Variants in OSBP observed in about 807,000 individuals in gnomAD.
OSBP encodes oxysterol binding protein.
OSBP carries 32 observed loss-of-function variants against 96.6 expected under a neutral mutation model. The ratio of observed to expected loss-of-function variants is 0.33; its 90% confidence interval spans 0.25 to 0.45. OSBP has a LOEUF of 0.45. Among genes scored for constraint, OSBP ranks in the 20% least tolerant of loss-of-function variants. The probability of loss-of-function intolerance (pLI) is 1.00; values close to 1 mark genes in which losing one functional copy is unlikely to be tolerated. For synonymous variants in OSBP, 369 were observed against 389.6 expected, an observed-to-expected ratio of 0.95 and a Z score of 0.62; for missense variants, 653 against 1,029.7, an observed-to-expected ratio of 0.63 and a Z score of 5.01.
rs374098760 is a variant in OSBP, at chr11:59,576,668, G to T, written c.2333C>A (p.Pro778His). ...KALWFERKKDPVTKELTHIYR... is the reference protein window; with the variant it reads ...KALWFERKKDHVTKELTHIYR... Reference sequence around the variant, plus strand: ...AATATGGGTTAACTCCTTGGTAACAGGGTCCTTCTTCCGCTCAAACCACAG... The same window carrying T: ...AATATGGGTTAACTCCTTGGTAACATGGTCCTTCTTCCGCTCAAACCACAG... The change falls in exon 14 of 14, where the codon CCT becomes CAT. Residue 778 changes from proline to histidine, a missense_variant. Pro to His is a moderately conservative substitution (Grantham distance 77, BLOSUM62 -2). This residue lies in a region of OSBP where 169 missense variants were observed against 251.5 expected (regional missense o/e 0.67). Transcript: ENST00000263847. 1.7e-4 allele frequency: 274 copies of T among 1,613,996 alleles called. No homozygotes were observed. The highest frequency in any genetic ancestry group is 2.2e-4 in the Non-Finnish European group (265 of 1,180,016).
intron 11 of OSBP, among the ~76,000 whole-genome samples, 162 bp from the exon 12 acceptor site, chr11:59,578,492 C>T (rs896641167): frequency 1.3e-5 from 2 of 152,152 alleles, no homozygotes; most frequent in African/African-American, 4.8e-5. Flanking sequence ...GCTCTGTTGC[C>T]CAGGCTGGAG....
intron 9 of OSBP, among the ~76,000 whole-genome samples, chr11:59,585,306 G>A (rs1490123760): frequency 6.7e-6 from 1 of 150,330 alleles, no homozygotes; most frequent in Non-Finnish European, 1.5e-5. Context: ...TGGGATGAGA[G>A]GAGCGCCTCT....
Position 59,608,620 on chromosome 11 carries a change from G to C in OSBP, c.686C>G (p.Ala229Gly). 1 of 1,614,172 alleles carries C rather than the reference G, an allele frequency of 6.2e-7. No homozygotes were observed. The change falls in exon 3 of 14, where the codon GCT becomes GGT. Residue 229 changes from alanine to glycine, a missense_variant. Around this residue, in one of 6 missense-constraint regions of OSBP, gnomAD observed 308 missense variants for 573.1 expected, o/e 0.54. Coordinates refer to ENST00000263847, the MANE Select transcript of OSBP (RefSeq NM_002556.3). ...ACGCTGCAGAGCTGTGCCATGCTTA[G>C]CTATCAAGTCATTGCACGTGCTCAA... ...EDLSTCNDLI[A>G]KHGTALQRSL...
At chr11:59,587,959 C>T (rs1860521901) in intron 9 of OSBP, among the ~76,000 whole-genome samples, 1 of 152,050 alleles carries the variant, frequency 6.6e-6, no homozygotes, top group South Asian at 2.1e-4. Context: ...CTCACAATAG[C>T]TAAAACATGG....
rs1860352144 is a variant in OSBP, at chr11:59,575,545, T to G, written c.*1032A>C. ...CTACATATATATAATATACAGATAT[T>G]TAACACATTATTCCAGAGGTGGCTC... On this transcript the variant is annotated 3_prime_UTR_variant, in exon 14 of 14. Coordinates refer to ENST00000263847, the MANE Select transcript of OSBP (RefSeq NM_002556.3). The G allele has an allele frequency of 6.6e-6, 1 of 152,586 alleles. No homozygotes were observed. Among genetic ancestry groups the G allele is most frequent in the African/African-American group, 2.4e-5 (1 of 41,432 alleles). The allele number at this position is 152,586 out of a possible 1,614,324, so 9.5% of individuals were successfully genotyped here. A position where few individuals can be genotyped will look rare whatever the true frequency, so the allele number is the denominator to read the frequency against.
chr11:59,590,045 T>C lies in OSBP; in HGVS notation c.1678+3559A>G, dbSNP rs117350195. Among the ~76,000 whole-genome samples the C allele has an allele frequency of 3.3e-3, 503 of 152,336 alleles. 2 individuals are homozygous for C. Among genetic ancestry groups the C allele is most frequent in the Non-Finnish European group, 4.4e-3 (301 of 68,028 alleles). On this transcript the variant is annotated intron_variant, in intron 9 of 13. Transcript: ENST00000263847. The stretch of plus-strand genomic sequence containing the variant: ...AGCCTTCATTATTTGGAAACTTCAG[T>C]TATATTTTCTAGAAGCATTCTTCTT...
chr11:59,601,775 A>G lies in OSBP; in HGVS notation c.886T>C (p.Tyr296His), dbSNP rs1317561583. Reference sequence around the variant, plus strand: ...AGTCGGATACGCTGGTCTCTTTCATACTGTAGTGACTTTTGCCATTTTTTA... The same window carrying G: ...AGTCGGATACGCTGGTCTCTTTCATGCTGTAGTGACTTTTGCCATTTTTTA... ...HSKKWQKSLQ[Y>H]ERDQRIRLEE... Residue 296 changes from tyrosine to histidine, a missense_variant, in exon 4 of 14, where the codon TAT (tyrosine) becomes CAT (histidine). Transcript: ENST00000263847. 5 of 1,614,000 alleles carry G rather than the reference A, an allele frequency of 3.1e-6. No individual in the cohort carries two copies. Among genetic ancestry groups the G allele is most frequent in the Non-Finnish European group, 4.2e-6 (5 of 1,180,026 alleles).
chr11:59,596,569 A>G (rs1370648336), intron 7 of OSBP, among the ~76,000 whole-genome samples: 1 of 147,950 alleles, frequency 6.8e-6, no homozygotes, highest in African/African-American at 2.6e-5. Flanking sequence ...TATACAGCTG[A>G]TGAAAAATTA....
intron 7 of OSBP, among the ~76,000 whole-genome samples, chr11:59,598,028 C>A: frequency 6.6e-6 from 1 of 152,122 alleles, no homozygotes; most frequent in East Asian, 1.9e-4. Flanking sequence ...ATTTTAGAGA[C>A]AGGGTCTCCC....
At chr11:59,590,862 A>T (rs1361383033) in intron 9 of OSBP, among the ~76,000 whole-genome samples, 3 of 152,248 alleles carry the variant, frequency 2.0e-5, no homozygotes, top group Admixed American at 6.5e-5. Flanking sequence ...AAATACAGCC[A>T]TCTCCAGGGC....
chr11:59,591,129 A>C (rs1308645551), intron 9 of OSBP, among the ~76,000 whole-genome samples: 2 of 152,208 alleles, frequency 1.3e-5, no homozygotes, highest in Non-Finnish European at 2.9e-5. Flanking sequence ...TTTTCTTTTT[A>C]ATTAATTTTG....
chr11:59,580,081 C>T (rs1162491603), intron 11 of OSBP, 93 bp downstream of exon 11: 11 of 846,356 alleles, frequency 1.3e-5, no homozygotes, highest in Non-Finnish European at 1.8e-5. Flanking sequence ...ACCCCCATAC[C>T]ACCCCACATG....
chr11:59,608,785 T>C (rs759467856), intron 2 of OSBP, 51 bp from the exon 3 acceptor site: 30 of 1,580,414 alleles, frequency 1.9e-5, no homozygotes, highest in Middle Eastern at 1.9e-4. Context: ...GGAGTGACAG[T>C]TGGAACCCTA....
At chr11:59,600,926 T>C in intron 5 of OSBP, 53 bp from the exon 6 acceptor site, 5 of 1,480,154 alleles carry the variant, frequency 3.4e-6, no homozygotes, top group Non-Finnish European at 4.7e-6. Context: ...AACTAGAGTG[T>C]GGTCCTGGAC....
chr11:59,609,213 T>C (rs1860816726), intron 2 of OSBP, among the ~76,000 whole-genome samples: 1 of 152,182 alleles, frequency 6.6e-6, no homozygotes, highest in African/African-American at 2.4e-5. Context: ...GGGACCTGTA[T>C]TAAATGAGTT....
intron 1 of OSBP, among the ~76,000 whole-genome samples, chr11:59,614,742 G>A (rs187730097): frequency 1.3e-5 from 2 of 152,324 alleles, no homozygotes; most frequent in South Asian, 4.1e-4. Flanking sequence ...GTCTTGGAGA[G>A]ATAAGGCAGA....
chr11:59,593,819 G>A, intron 8 of OSBP, 95 bp from the exon 9 acceptor site: 17 of 1,530,936 alleles, frequency 1.1e-5, no homozygotes, highest in Non-Finnish European at 1.3e-5. Context: ...CACACTTGAC[G>A]TTTTTACACC....
At chr11:59,577,399 G>A (rs1050332571) in intron 12 of OSBP, among the ~76,000 whole-genome samples, 1 of 152,286 alleles carries the variant, frequency 6.6e-6, no homozygotes, top group South Asian at 2.1e-4. Flanking sequence ...GACTGTATTA[G>A]ATGACGACAG....
intron 10 of OSBP, among the ~76,000 whole-genome samples, chr11:59,580,810 T>G (rs1022587032): frequency 6.6e-6 from 1 of 152,164 alleles, no homozygotes; most frequent in Non-Finnish European, 1.5e-5. Context: ...TGAGCCAACA[T>G]GCCCAGCCCA....
Sources: allele counts gnomAD v4.1 joint callset (sites outside exome capture counted in the v4.1 genomes callset), GRCh38; gene constraint gnomAD v4.1.1; regional missense constraint gnomAD v4.1.1; transcripts MANE v1.5; gene names NCBI Gene and HGNC (gene_info 2026-07-23, HGNC 2026-07-21).